Variants in CFAP47 observed in about 807,000 individuals in gnomAD.
The protein encoded by CFAP47 is cilia- and flagella-associated protein 47.
Under a neutral mutation model 148.1 loss-of-function variants are expected in CFAP47, and 29 were observed. The observed-to-expected ratio is 0.20, with a 90% CI of 0.15 to 0.27. The LOEUF (loss-of-function observed/expected upper bound fraction) is 0.27, where lower values mean the gene tolerates loss of function less well. Ranked by LOEUF, CFAP47 falls within the 10% of genes least tolerant of loss-of-function variation. CFAP47 has a pLI of 1.00. For missense variants in CFAP47, 1,872 were observed against 1,697.5 expected, an observed-to-expected ratio of 1.10 and a Z score of -1.81; for synonymous variants, 664 against 577.3, an observed-to-expected ratio of 1.15 and a Z score of -2.15.
At position 36,361,385 on chromosome X, in the gene CFAP47, G is replaced by A; in HGVS notation, c.8907G>A (p.Met2969Ile). Residue 2969 changes from methionine to isoleucine, a missense_variant, in exon 61 of 64, where the codon ATG becomes ATA. By Grantham distance (10) the Met-to-Ile change is conservative (BLOSUM62 1). Transcript: ENST00000378653. ...EYEIQFESEA[M>I]KSKLESCVAL... ...AAATTCAATTTGAATCTGAAGCTATGAAGTCTAAGTTGGAATCCTGTGTAG... is the reference window on the plus strand; with the variant it reads ...AAATTCAATTTGAATCTGAAGCTATAAAGTCTAAGTTGGAATCCTGTGTAG... 8.9e-7 allele frequency: 1 copy of A among 1,119,750 alleles called. No homozygotes were observed. The highest frequency in any genetic ancestry group is 1.2e-6 in the Non-Finnish European group (1 of 838,523). 92.3% of individuals were successfully genotyped at this position (1,119,750 alleles called of 1,213,427 possible).
At chrX:36,211,709 G>C in intron 45 of CFAP47, 1 of 196,068 alleles carries the variant, frequency 5.1e-6, no homozygotes, top group Non-Finnish European at 9.9e-6. Context: ...TCAAGGGGAG[G>C]AAGAAGATGA....
intron 48 of CFAP47, among the ~76,000 whole-genome samples, chrX:36,249,297 AAG>A (rs782324001): frequency 9.9e-5 from 11 of 111,237 alleles, no homozygotes; most frequent in Non-Finnish European, 1.7e-4. Flanking sequence ...CTGACAGAAA[AAG>A]AGAGAATACT....
At chrX:36,331,046 A>G (rs1270859358) in intron 57 of CFAP47, among the ~76,000 whole-genome samples, 1 of 111,658 alleles carries the variant, frequency 9.0e-6, no homozygotes, top group African/African-American at 3.3e-5. Context: ...AGTTGTCTGT[A>G]TTAACTGTCT....
intron 1 of CFAP47, among the ~76,000 whole-genome samples, chrX:35,924,195 A>C (rs1324927542): frequency 9.5e-6 from 1 of 105,363 alleles, no homozygotes; most frequent in Non-Finnish European, 1.9e-5. Context: ...ATGTATGTGT[A>C]TATATGGACA....
rs782296550 is a variant in CFAP47 at position 36,236,724 on chromosome X, G to A, written c.7197G>A (p.Glu2399=). ...TACAAAATGAAGTAGATGGTAGGGA[G>A]CACATCTTTGACATAAAAGGGGTTG... The part of the protein sequence containing the change: ...LILQNEVDGR[E]HIFDIKGVGK... The change falls in exon 48 of 64, where the codon GAG becomes GAA. Residue 2399 remains glutamate, a synonymous_variant. Coordinates refer to ENST00000378653, the MANE Select transcript of CFAP47 (RefSeq NM_001304548.2). The A allele has an allele frequency of 4.4e-5, 23 of 523,758 alleles. No individual in the cohort carries two copies. In the African/African-American group the frequency reaches 4.6e-4, roughly 11 times the overall value. The allele number at this position is 523,758 out of a possible 1,213,427, so 43.2% of individuals were successfully genotyped here.
Position 36,299,113 on chromosome X carries a change from T to C in CFAP47, c.7823T>C (p.Val2608Ala). ...CCACTACAGTGCACCAAATATATTG[T>C]ATGGTATTCTCCAGCAACTACAGGC... The part of the protein sequence containing the change: ...LSPLQCTKYI[V>A]WYSPATTGYS... Residue 2608 changes from valine to alanine, a missense_variant, in exon 52 of 64, where the codon GTA (valine) becomes GCA (alanine). Transcript: ENST00000378653. 1.8e-6 allele frequency: 2 copies of C among 1,094,153 alleles called. No homozygotes were observed. The highest frequency in any genetic ancestry group is 5.0e-5 in the South Asian group (2 of 40,376). The allele number at this position is 1,094,153 out of a possible 1,213,427, so 90.2% of individuals were successfully genotyped here.
chrX:36,375,806 T>C (rs1329391314), intron 62 of CFAP47, among the ~76,000 whole-genome samples: 3 of 112,291 alleles, frequency 2.7e-5, no homozygotes, highest in African/African-American at 9.7e-5. Context: ...TCTAGTTCTG[T>C]AGTGTTCTAA....
intron 8 of CFAP47, among the ~76,000 whole-genome samples, chrX:35,958,736 C>T (rs546980991): frequency 2.7e-5 from 3 of 111,860 alleles, no homozygotes; most frequent in Non-Finnish European, 3.8e-5. Context: ...CCTAAAATAT[C>T]TCTATCCTAA....
Position 36,236,101 on chromosome X carries a change from C to T in CFAP47, c.7158+24C>T, listed in dbSNP as rs1002304766. 3 of 439,939 alleles carry T rather than the reference C, an allele frequency of 6.8e-6. No homozygotes were observed. In the Admixed American group the frequency reaches 1.2e-4, roughly 17 times the overall value. 36.3% of individuals were successfully genotyped at this position (439,939 alleles called of 1,213,427 possible). ...CGGTATGAACTCCTTGATATTTTCC[C>T]CAGTATTAATTAATAGTATCATTAG... On this transcript the variant is annotated intron_variant, in intron 47 of 63. Coordinates refer to ENST00000378653, the MANE Select transcript of CFAP47 (RefSeq NM_001304548.2).
intron 57 of CFAP47, among the ~76,000 whole-genome samples, chrX:36,345,579 C>CT (rs2146981698): frequency 9.0e-6 from 1 of 111,718 alleles, no homozygotes; most frequent in Non-Finnish European, 1.9e-5. Context: ...GGTCCACCGC[C>CT]TGGGGGTTGG....
intron 62 of CFAP47, among the ~76,000 whole-genome samples, chrX:36,379,057 C>T (rs1442588539): frequency 8.9e-6 from 1 of 112,424 alleles, no homozygotes; most frequent in African/African-American, 3.2e-5. Flanking sequence ...GGTGATCCAC[C>T]TGCCTCGGCC....
intron 51 of CFAP47, 117 bp from the exon 52 acceptor site, chrX:36,298,858 TAA>T (rs1383309620): frequency 2.4e-6 from 1 of 416,874 alleles, no homozygotes; most frequent in African/African-American, 2.5e-5. Context: ...TGTATCAAGG[TAA>T]AAAAATAAAA....
intron 8 of CFAP47, among the ~76,000 whole-genome samples, chrX:35,957,463 A>T (rs759096752): frequency 8.9e-6 from 1 of 111,997 alleles, no homozygotes; most frequent in Non-Finnish European, 1.9e-5. Context: ...ATACATGTTT[A>T]TATACATGCA....
At chrX:36,005,037 A>G (rs1936965503) in intron 21 of CFAP47, among the ~76,000 whole-genome samples, 1 of 110,721 alleles carries the variant, frequency 9.0e-6, no homozygotes, top group Non-Finnish European at 1.9e-5. Context: ...AAGGTAGGTA[A>G]TAATTTAGTT....
At position 35,971,897 on chromosome X, in the gene CFAP47, C is replaced by A; in HGVS notation, c.2186C>A (p.Ser729Tyr). The change falls in exon 13 of 64, where the codon TCC becomes TAC. Residue 729 changes from serine (S) to tyrosine (Y), a missense_variant. Transcript: ENST00000378653. ...KVLKGLKSEP[S>Y]TPQEKHDCSL... ...CTCAAAGGACTTAAATCAGAACCAT[C>A]CACTCCACAAGAAAAACATGATTGC... 8.3e-7 allele frequency: 1 copy of A among 1,200,652 alleles called. No homozygotes were observed. The highest frequency in any genetic ancestry group is 1.1e-6 in the Non-Finnish European group (1 of 887,685).
At chrX:36,271,450 C>T (rs781809900) in intron 49 of CFAP47, among the ~76,000 whole-genome samples, 1 of 111,340 alleles carries the variant, frequency 9.0e-6, no homozygotes, top group African/African-American at 3.3e-5. Context: ...CAGATTTACC[C>T]ATTACTATGG....
At chrX:36,320,936 AAAGTAGTAC>A (rs1214449686) in intron 57 of CFAP47, among the ~76,000 whole-genome samples, 27 of 111,182 alleles carry the variant, frequency 2.4e-4, no homozygotes, top group African/African-American at 8.3e-4. Flanking sequence ...GTTGCAATGT[AAAGTAGTAC>A]AACTGCTATG....
intron 40 of CFAP47, among the ~76,000 whole-genome samples, chrX:36,185,385 G>A (rs374771697): frequency 9.0e-6 from 1 of 110,956 alleles, no homozygotes; most frequent in South Asian, 3.9e-4. Flanking sequence ...AATGAATTGA[G>A]GGGGTCAGGG....
chrX:36,145,861 T>C (rs771211834), intron 36 of CFAP47, among the ~76,000 whole-genome samples: 1 of 105,436 alleles, frequency 9.5e-6, no homozygotes, highest in East Asian at 3.1e-4. Flanking sequence ...TTGATAAGGA[T>C]TTAGTTAAAA....
Sources: allele counts gnomAD v4.1 joint callset (sites outside exome capture counted in the v4.1 genomes callset), GRCh38; gene constraint gnomAD v4.1.1; transcripts MANE v1.5; gene names NCBI Gene and HGNC (gene_info 2026-07-23, HGNC 2026-07-21).